The following BNC2 variants were observed in gnomAD, a reference collection of about 807,000 sequenced individuals.
BNC2 encodes basonuclin zinc finger protein 2.
BNC2 carries 20 observed loss-of-function variants against 76.3 expected under a neutral mutation model. The ratio of observed to expected loss-of-function variants is 0.26; its 90% CI spans 0.18 to 0.38. The LOEUF (loss-of-function observed/expected upper bound fraction) is 0.38, where lower values mean the gene tolerates loss of function less well. Ranked by LOEUF, BNC2 falls within the 10% of genes least tolerant of loss-of-function variation. BNC2 has a pLI of 1.00. For synonymous variants in BNC2, 582 were observed against 514.8 expected, an observed-to-expected ratio of 1.13 and a Z score of -1.77; for missense variants, 1,382 against 1,399.8, an observed-to-expected ratio of 0.99 and a Z score of 0.20.
chr9:16,847,329 C>G (rs1238255927), intron 1 of BNC2, among the ~76,000 whole-genome samples: 2 of 138,594 alleles, frequency 1.4e-5, no homozygotes, highest in African/African-American at 5.5e-5. Flanking sequence ...AAACTTGCCA[C>G]ATCAAATTAC....
At chr9:16,485,187 C>T (rs970896299) in intron 5 of BNC2, among the ~76,000 whole-genome samples, 4 of 151,886 alleles carry the variant, frequency 2.6e-5, no homozygotes, top group African/African-American at 7.3e-5. Flanking sequence ...ACTGAGTGAA[C>T]GAAAGGGAGT....
chr9:16,793,457 A>T (rs1817565993), intron 1 of BNC2, among the ~76,000 whole-genome samples: 1 of 152,030 alleles, frequency 6.6e-6, no homozygotes, highest in Non-Finnish European at 1.5e-5. Flanking sequence ...TTTCTTTGGG[A>T]AGGATCAATT....
rs74320807 is a variant in BNC2, at chr9:16,462,087, T to C, written c.670-24563A>G. On this transcript the variant is annotated intron_variant, in intron 5 of 6. Transcript: ENST00000380672. ...AGTTCCTATTAACATTTAATGAGTG[T>C]CCATTGGCAAGTCTATGGATTGCTT... is the stretch of plus-strand genomic sequence containing the variant. 4.5e-3 allele frequency among the ~76,000 whole-genome samples: 686 copies of C among 152,298 alleles called. 2 individuals are homozygous for C. Among genetic ancestry groups the C allele is most frequent in the Middle Eastern group, 0.017 (5 of 294 alleles).
chr9:16,573,667 C>T (rs1819398678), intron 4 of BNC2, among the ~76,000 whole-genome samples: 1 of 152,160 alleles, frequency 6.6e-6, no homozygotes, highest in Non-Finnish European at 1.5e-5. Context: ...AAGTGGGGAT[C>T]TCCCTGGGTA....
chr9:16,609,947 T>C (rs1820498922), intron 3 of BNC2, among the ~76,000 whole-genome samples: 1 of 152,166 alleles, frequency 6.6e-6, no homozygotes, highest in Non-Finnish European at 1.5e-5. Flanking sequence ...GCTCTTATTC[T>C]TCTCTGCCAT....
intron 1 of BNC2, among the ~76,000 whole-genome samples, chr9:16,788,891 T>A (rs893978105): frequency 2.6e-5 from 4 of 152,122 alleles, no homozygotes; most frequent in Non-Finnish European, 5.9e-5. Flanking sequence ...CCCACCTTAG[T>A]TGAAACGAAT....
At chr9:16,477,891 G>C (rs1821960731) in intron 5 of BNC2, among the ~76,000 whole-genome samples, 1 of 152,074 alleles carries the variant, frequency 6.6e-6, no homozygotes, top group South Asian at 2.1e-4. Flanking sequence ...CTCCTCCGGT[G>C]GGGGTACCTG....
chr9:16,815,871 G>T (rs1407520150), intron 1 of BNC2, among the ~76,000 whole-genome samples: 1 of 152,090 alleles, frequency 6.6e-6, no homozygotes, highest in Non-Finnish European at 1.5e-5. Context: ...TCGACACAAA[G>T]ATGGAACAAT....
intron 5 of BNC2, among the ~76,000 whole-genome samples, chr9:16,512,230 T>C (rs1822773774): frequency 6.6e-6 from 1 of 152,186 alleles, no homozygotes; most frequent in Non-Finnish European, 1.5e-5. Context: ...GATGAAATTA[T>C]TCTATTCTGT....
chr9:16,700,350 A>G (rs1255303796), intron 3 of BNC2, among the ~76,000 whole-genome samples: 1 of 151,860 alleles, frequency 6.6e-6, no homozygotes, highest in African/African-American at 2.4e-5. Context: ...TGATAGCAAG[A>G]CCCCATATCT....
At chr9:16,502,087 G>T (rs1485699023) in intron 5 of BNC2, among the ~76,000 whole-genome samples, 1 of 152,160 alleles carries the variant, frequency 6.6e-6, no homozygotes, top group African/African-American at 2.4e-5. Flanking sequence ...AGGAGTGGGG[G>T]TCTAGTGGTT....
intron 5 of BNC2, among the ~76,000 whole-genome samples, chr9:16,540,983 C>T (rs78188525): frequency 0.033 from 4,974 of 152,304 alleles, 276 homozygotes; most frequent in African/African-American, 0.11. Context: ...AGTTAACACA[C>T]AGCCAATCAA....
intron 5 of BNC2, among the ~76,000 whole-genome samples, chr9:16,452,871 T>C (rs1821372139): frequency 6.6e-6 from 1 of 152,198 alleles, no homozygotes; most frequent in African/African-American, 2.4e-5. Flanking sequence ...ATCTATTTTA[T>C]AAGGAAAACT....
At chr9:16,713,369 G>A (rs1282182954) in intron 3 of BNC2, among the ~76,000 whole-genome samples, 2 of 151,414 alleles carry the variant, frequency 1.3e-5, no homozygotes, top group Non-Finnish European at 2.9e-5. Context: ...CAGAAACAAC[G>A]GGTAAGAAAA....
intron 5 of BNC2, among the ~76,000 whole-genome samples, chr9:16,442,290 T>C (rs1488442423): frequency 6.6e-6 from 1 of 152,174 alleles, no homozygotes. Flanking sequence ...AGAAAAAGTA[T>C]AAAAGACTTA....
chr9:16,527,754 G>A (rs1240424901), intron 5 of BNC2, among the ~76,000 whole-genome samples: 5 of 152,258 alleles, frequency 3.3e-5, no homozygotes, highest in South Asian at 2.1e-4. Flanking sequence ...AGCATTACAC[G>A]GATGCCACAA....
intron 3 of BNC2, among the ~76,000 whole-genome samples, chr9:16,637,739 G>A (rs76064125): frequency 0.021 from 3,253 of 152,300 alleles, 129 homozygotes; most frequent in African/African-American, 0.074. Context: ...TGGGTGAGGA[G>A]AGTGCCCCAG....
rs879861647 is a variant in BNC2, at chr9:16,414,729, A to G, written c.*4260T>C. 1.3e-5 allele frequency: 2 copies of G among 152,238 alleles called. No homozygotes were observed. Among genetic ancestry groups the G allele is most frequent in the African/African-American group, 2.4e-5 (1 of 41,450 alleles). The allele number at this position is 152,238 out of a possible 1,614,324, so 9.4% of individuals were successfully genotyped here. On this transcript the variant is annotated 3_prime_UTR_variant, in exon 7 of 7. Transcript: ENST00000380672. ...GCTGTCAGCAGTTAGCAGCATGTCCATCTCAATCTGGTGACTAGCTTCTTT... is the reference window on the plus strand; with the variant it reads ...GCTGTCAGCAGTTAGCAGCATGTCCGTCTCAATCTGGTGACTAGCTTCTTT...
intron 5 of BNC2, among the ~76,000 whole-genome samples, chr9:16,470,350 CT>C (rs1821796697): frequency 6.6e-6 from 1 of 152,124 alleles, no homozygotes. Flanking sequence ...AATTTGCAGG[CT>C]GACTATGTGA....
Sources: gnomAD v4.1 joint callset for allele counts (sites outside exome capture counted in the v4.1 genomes callset) on GRCh38, gnomAD v4.1.1 for gene constraint, MANE v1.5 for transcripts, NCBI Gene and HGNC (gene_info 2026-07-23, HGNC 2026-07-21) for gene names.